WDR47: variants seen among roughly 807,000 people sequenced by gnomAD.
The protein encoded by WDR47 is WD repeat-containing protein 47.
A neutral mutation model predicts 97.2 loss-of-function variants in WDR47; 32 were observed. The ratio of observed to expected loss-of-function variants is 0.33; its 90% confidence interval spans 0.25 to 0.44. The LOEUF is 0.44. Ranked by LOEUF, WDR47 falls within the 20% of genes least tolerant of loss-of-function variation. WDR47 has a pLI of 1.00. For missense variants in WDR47, 782 were observed against 1,102.3 expected (o/e 0.71, Z 4.11); for synonymous variants, 375 against 373.5 (o/e 1.00, Z -0.05).
chr1:108,977,835 C>T (rs1261378573), intron 13 of WDR47, among the ~76,000 whole-genome samples: 3 of 151,482 alleles, frequency 2.0e-5, no homozygotes, highest in Admixed American at 6.6e-5. Flanking sequence ...AAAACAAAAA[C>T]GAGCTGGGCG....
At chr1:109,008,514 C>T (rs1002975227) in intron 5 of WDR47, among the ~76,000 whole-genome samples, 1 of 152,144 alleles carries the variant, frequency 6.6e-6, no homozygotes, top group African/African-American at 2.4e-5. Context: ...CCACCCACCT[C>T]GGCTTCCCAA....
At chr1:108,996,195 C>G (rs1284619887) in intron 7 of WDR47, among the ~76,000 whole-genome samples, 1 of 152,146 alleles carries the variant, frequency 6.6e-6, no homozygotes, top group African/African-American at 2.4e-5. Flanking sequence ...CCTGGGACAA[C>G]AGGTGCATAC....
At chr1:109,001,669 C>T (rs945842707) in intron 7 of WDR47, among the ~76,000 whole-genome samples, 8 of 151,972 alleles carry the variant, frequency 5.3e-5, no homozygotes, top group African/African-American at 1.9e-4. Context: ...GTGGACGGAT[C>T]GCTTGAGGCC....
At chr1:108,991,456 T>C in intron 8 of WDR47, 127 bp from the exon 9 acceptor site, 1 of 672,518 alleles carries the variant, frequency 1.5e-6, no homozygotes, top group Non-Finnish European at 2.4e-6. Context: ...AGTTACTCTC[T>C]GGAGACATTT....
intron 8 of WDR47, 101 bp downstream of exon 8, chr1:108,995,479 G>T: frequency 1.4e-6 from 2 of 1,406,776 alleles, no homozygotes; most frequent in African/African-American, 1.4e-5. Context: ...TAGGCAGTAA[G>T]CTCTAAAAAC....
At chr1:108,979,266 G>C (rs1658160011) in intron 13 of WDR47, among the ~76,000 whole-genome samples, 1 of 152,088 alleles carries the variant, frequency 6.6e-6, no homozygotes, top group African/African-American at 2.4e-5. Context: ...TAACCCCAAG[G>C]AAAATATACA....
chr1:109,036,659 A>G (rs1373909581), intron 1 of WDR47, among the ~76,000 whole-genome samples: 2 of 151,744 alleles, frequency 1.3e-5, no homozygotes, highest in Non-Finnish European at 2.9e-5. Context: ...ACACGGTGAA[A>G]CCCCGTCTCT....
At chr1:109,033,511 A>C (rs1260632469) in intron 1 of WDR47, among the ~76,000 whole-genome samples, 1 of 152,248 alleles carries the variant, frequency 6.6e-6, no homozygotes, top group Non-Finnish European at 1.5e-5. Context: ...TTCCACACAC[A>C]GTAAAATGAG....
rs1002344849 is a variant in WDR47, at chr1:108,981,993, C to G, written c.2267-129G>C. 22 of 1,001,008 alleles carry G rather than the reference C, an allele frequency of 2.2e-5. 1 individual carries two copies. The African/African-American group carries it at 2.8e-4, about 13-fold the overall frequency. The allele number at this position is 1,001,008 out of a possible 1,614,324, so 62.0% of individuals were successfully genotyped here. On this transcript the variant is annotated intron_variant, in intron 12 of 14. Coordinates refer to ENST00000369962, the MANE Select transcript of WDR47 (RefSeq NM_001142551.2). ...ATCCCAGCTACTCAGGAGGCTGAGG[C>G]AGGAGGACTGCTGGAGCCCAGGAGT...
chr1:108,996,510 A>G (rs1005116517), intron 7 of WDR47, among the ~76,000 whole-genome samples: 1 of 152,228 alleles, frequency 6.6e-6, no homozygotes, highest in Non-Finnish European at 1.5e-5. Context: ...CTCATCAACA[A>G]AACAAGCCAT....
At chr1:109,002,619 G>GA (rs1439332626) in intron 6 of WDR47, among the ~76,000 whole-genome samples, 7 of 152,128 alleles carry the variant, frequency 4.6e-5, no homozygotes, top group Non-Finnish European at 1.5e-5. Flanking sequence ...TGACCGAAAT[G>GA]AATGGTTGCC....
chr1:108,987,105 A>C (rs1658888194), intron 9 of WDR47: 2 of 192,484 alleles, frequency 1.0e-5, no homozygotes, highest in South Asian at 1.2e-4. Context: ...TCTAAGCTTC[A>C]TTACAGCCCC....
chr1:109,014,297 C>T (rs1023709626), intron 3 of WDR47, among the ~76,000 whole-genome samples: 1 of 151,908 alleles, frequency 6.6e-6, no homozygotes, highest in African/African-American at 2.4e-5. Flanking sequence ...AATACATATA[C>T]ATTGTAGAAA....
In WDR47 at chr1:108,995,691, G is replaced by C. The variant is rs773189392; in HGVS notation, c.1580C>G (p.Ser527Cys). 6.2e-7 allele frequency: 1 copy of C among 1,614,124 alleles called. No homozygotes were observed. Among genetic ancestry groups the C allele is most frequent in the Non-Finnish European group, 8.5e-7 (1 of 1,180,020 alleles). The change falls in exon 8 of 15, where the codon TCT (serine) becomes TGT (cysteine). Residue 527 changes from serine (S) to cysteine (C), a missense_variant. By Grantham distance (112) the Ser-to-Cys change is moderately radical. This residue lies in a region of WDR47 where 126 missense variants were observed against 121.3 expected (regional missense o/e 1.04). Coordinates refer to ENST00000369962, the MANE Select transcript of WDR47 (RefSeq NM_001142551.2). ...VTSFTTPPQD[S>C]SQRLTHDASN... is the part of the protein sequence containing the mutation. ...AGCATCATGTGTTAATCTCTGACTAGAGTCTTGGGGTGGTGTAGTAAAACT... is the reference window on the plus strand; with the variant it reads ...AGCATCATGTGTTAATCTCTGACTACAGTCTTGGGGTGGTGTAGTAAAACT...
chr1:108,987,375 A>T (rs1049290782), intron 9 of WDR47: 1 of 152,510 alleles, frequency 6.6e-6, no homozygotes, highest in Non-Finnish European at 1.5e-5. Flanking sequence ...GCTGGTCTTG[A>T]ACTTCTGGGC....
chr1:108,989,621 G>A (rs1317659018), intron 9 of WDR47, among the ~76,000 whole-genome samples: 1 of 152,194 alleles, frequency 6.6e-6, no homozygotes, highest in Non-Finnish European at 1.5e-5. Flanking sequence ...ATGGCCTATA[G>A]CACATCAAAA....
At chr1:108,992,199 GATA>G (rs1312084435) in intron 8 of WDR47, 4 of 739,140 alleles carry the variant, frequency 5.4e-6, no homozygotes, top group East Asian at 5.0e-5. Flanking sequence ...AAAGAAATTA[GATA>G]ATAAGAAAGA....
At chr1:109,001,726 C>CA (rs567239243) in intron 7 of WDR47, among the ~76,000 whole-genome samples, 8 of 151,486 alleles carry the variant, frequency 5.3e-5, no homozygotes, top group African/African-American at 9.7e-5. Context: ...CCTATCTCTA[C>CA]AAAAAAAATA....
Position 109,013,916 on chromosome 1 carries a change from A to G in WDR47, c.252T>C (p.Tyr84=), listed in dbSNP as rs1661221331. 6.2e-6 allele frequency: 10 copies of G among 1,610,678 alleles called. No homozygotes were observed. Among genetic ancestry groups the G allele is most frequent in the Non-Finnish European group, 6.8e-6 (8 of 1,179,276 alleles). ...MEKFDKKRFR[Y]IILKQKFLEA... is the part of the protein sequence containing the mutation. Reference sequence around the variant, plus strand: ...CTAAAAACTTCTGCTTCAGGATAATATAACGAAACCTGTGGGAAAAAAATG... The same window carrying G: ...CTAAAAACTTCTGCTTCAGGATAATGTAACGAAACCTGTGGGAAAAAAATG... The change falls in exon 4 of 15, where the codon TAT becomes TAC. Residue 84 remains tyrosine (Y), a synonymous_variant. Coordinates refer to ENST00000369962, the MANE Select transcript of WDR47 (RefSeq NM_001142551.2).
Sources: allele counts gnomAD v4.1 joint callset (sites outside exome capture counted in the v4.1 genomes callset), GRCh38; gene constraint gnomAD v4.1.1; regional missense constraint gnomAD v4.1.1; transcripts MANE v1.5; gene names NCBI Gene and HGNC (gene_info 2026-07-23, HGNC 2026-07-21).